The following ADRA1A variants were observed in gnomAD, a reference collection of about 807,000 sequenced individuals.
ADRA1A encodes alpha-1A adrenergic receptor.
ADRA1A carries 31 observed loss-of-function variants against 29.6 expected under a neutral mutation model. The ratio of observed to expected loss-of-function variants is 1.05; its 90% CI spans 0.79 to 1.41. The LOEUF is 1.41. Ranked by LOEUF, ADRA1A falls within the 40% of genes most tolerant of loss-of-function variation. The pLI is 0.00. For missense variants in ADRA1A, 619 were observed against 601.1 expected (o/e 1.03, Z -0.31); for synonymous variants, 311 against 254.3 (o/e 1.22, Z -2.12).
At chr8:26,764,264 A>AC (rs1805656968), downstream of ADRA1A, among the ~76,000 whole-genome samples, 1 of 152,208 alleles carries the variant, frequency 6.6e-6, no homozygotes, top group African/African-American at 2.4e-5. Flanking sequence ...TCACTGCCTT[A>AC]CATGTCACCC....
intron 2 of ADRA1A, among the ~76,000 whole-genome samples, chr8:26,801,875 G>A (rs765565335): frequency 2.6e-5 from 4 of 152,094 alleles, no homozygotes; most frequent in African/African-American, 4.8e-5. Flanking sequence ...ATAACAACAT[G>A]GTACCGGCAT....
In ADRA1A at chr8:26,757,519, C is replaced by CA. The variant is rs918667270; in HGVS notation, c.1270-741_1270-740insT. 1.0e-4 allele frequency among the ~76,000 whole-genome samples: 15 copies of CA among 144,190 alleles called. No individual in the cohort carries two copies. In the South Asian group the frequency reaches 1.9e-3, roughly 18 times the overall value. 94.6% of individuals were successfully genotyped at this position (144,190 alleles called of 152,430 possible). On this transcript the variant is annotated intron_variant, in intron 2 of 2. Coordinates refer to the ADRA1A transcript ENST00000380582. Reference sequence around the variant, plus strand: ...GTCCCTTTTGCTTCCATTTCCCCCACCCCCCACCTCTGCTCCATCAGGTTT... The same window carrying CA: ...GTCCCTTTTGCTTCCATTTCCCCCACACCCCCACCTCTGCTCCATCAGGTTT...
intron 2 of ADRA1A, among the ~76,000 whole-genome samples, chr8:26,777,589 A>G (rs1434912753): frequency 6.6e-6 from 1 of 152,212 alleles, no homozygotes; most frequent in African/African-American, 2.4e-5. Flanking sequence ...GAAATTGTAC[A>G]GCTCTCCATT....
rs771629087 is a variant in ADRA1A, at chr8:26,860,834, G to A, written c.883+3253C>T. ...CATCAGTGCCTCTCTCTATCCCATC[G>A]TTCCCATCAGAATATAAATATCATG... On this transcript the variant is annotated intron_variant, in intron 2 of 2. Transcript: ENST00000380573. This position sits in a 1 kb window ranked among gnomAD's most constrained non-coding sequence, Gnocchi z 4.7. Among the ~76,000 whole-genome samples the A allele has an allele frequency of 6.6e-5, 10 of 151,878 alleles. No homozygotes were observed. Among genetic ancestry groups the A allele is most frequent in the East Asian group, 1.9e-4 (1 of 5,170 alleles).
At chr8:26,835,356 C>A (rs889932538) in intron 2 of ADRA1A, among the ~76,000 whole-genome samples, 2 of 152,154 alleles carry the variant, frequency 1.3e-5, no homozygotes, top group African/African-American at 4.8e-5. Flanking sequence ...GTGTATTAGT[C>A]TGTTCTCAAA....
downstream of ADRA1A, among the ~76,000 whole-genome samples, chr8:26,763,882 A>G (rs1585636396): frequency 1.3e-5 from 2 of 152,190 alleles, no homozygotes; most frequent in East Asian, 3.9e-4. This position sits in a 1 kb window ranked among gnomAD's most constrained non-coding sequence, Gnocchi z 4.5. Flanking sequence ...ATGACCCCAC[A>G]ATGCCTAAAA....
intron 2 of ADRA1A, among the ~76,000 whole-genome samples, chr8:26,820,138 T>C (rs4732900): frequency 0.76 from 115,887 of 152,106 alleles, 45,236 homozygotes; most frequent in East Asian, 0.96. Flanking sequence ...GAGAGCAATA[T>C]AATAATAGTA....
At chr8:26,811,256 G>A (rs1463112344) in intron 2 of ADRA1A, among the ~76,000 whole-genome samples, 1 of 151,552 alleles carries the variant, frequency 6.6e-6, no homozygotes, top group South Asian at 2.1e-4. Context: ...GCAGTGGCGC[G>A]ATCTCGGCTC....
intron 2 of ADRA1A, among the ~76,000 whole-genome samples, chr8:26,757,699 G>A (rs1805267246): frequency 6.6e-6 from 1 of 152,120 alleles, no homozygotes; most frequent in African/African-American, 2.4e-5. Context: ...TTGTGGTTTT[G>A]GCTTGTAAAC....
rs1047745473 is a variant in ADRA1A at position 26,775,509 on chromosome 8, G to C, written c.884-4843C>G. On this transcript the variant is annotated intron_variant, in intron 2 of 2. Coordinates refer to ENST00000380573, the MANE Select transcript of ADRA1A (RefSeq NM_000680.4). This position sits in a 1 kb window ranked among gnomAD's most constrained non-coding sequence, Gnocchi z 4.1. ...TTCCAAATCACCCACATGAGAATAGGGGCTCCTACTTCTTTGGTCACCGTA... is the reference window on the plus strand; with the variant it reads ...TTCCAAATCACCCACATGAGAATAGCGGCTCCTACTTCTTTGGTCACCGTA... Among the ~76,000 whole-genome samples, 2 of 152,026 alleles carry C rather than the reference G, an allele frequency of 1.3e-5. No homozygotes were observed. The highest frequency in any genetic ancestry group is 4.8e-5 in the African/African-American group (2 of 41,400).
At chr8:26,762,554 T>A (rs1428283378), downstream of ADRA1A, among the ~76,000 whole-genome samples, 1 of 152,062 alleles carries the variant, frequency 6.6e-6, no homozygotes, top group Non-Finnish European at 1.5e-5. This position sits in a 1 kb window ranked among gnomAD's most constrained non-coding sequence, Gnocchi z 4.0. Flanking sequence ...CTTTCACTGT[T>A]TGTAAGTTTA....
In ADRA1A at chr8:26,804,343, C is replaced by G. The variant is rs541074080; in HGVS notation, c.884-33677G>C. On this transcript the variant is annotated intron_variant, in intron 2 of 2. Transcript: ENST00000380573. ...TTCAAAGAGGCTTTATTTGGAATAG[C>G]CCCAAAGTGGAAACAGTCCAAATTT... is the stretch of plus-strand genomic sequence containing the variant. Among the ~76,000 whole-genome samples the G allele has an allele frequency of 8.2e-4, 124 of 152,002 alleles. 1 individual carries two copies. Among genetic ancestry groups the G allele is most frequent in the Non-Finnish European group, 1.4e-3 (97 of 67,994 alleles).
In ADRA1A at chr8:26,865,999, G is replaced by A. The variant is rs1563324558; in HGVS notation, c.-686-344C>T. Among the ~76,000 whole-genome samples, 1 of 152,244 alleles carries A rather than the reference G, an allele frequency of 6.6e-6. No homozygotes were observed. The highest frequency in any genetic ancestry group is 1.5e-5 in the Non-Finnish European group (1 of 68,046). On this transcript the variant is annotated intron_variant, in intron 1 of 2. Coordinates refer to ENST00000380573, the MANE Select transcript of ADRA1A (RefSeq NM_000680.4). The surrounding 1 kb of genome is among the most constrained non-coding windows in gnomAD (Gnocchi z 7.6). ...TTAAAATCCTCGAAGCCCCGGAGGG[G>A]CGACTGCGGCTGGCGAGTGTGTCGC...
chr8:26,770,755 A>AT (rs1806088507), intron 2 of ADRA1A, 89 bp from the exon 3 acceptor site: 1 of 1,475,800 alleles, frequency 6.8e-7, no homozygotes. Flanking sequence ...ATCTTTCTGT[A>AT]TTTTTAAACG....
chr8:26,857,631 A>G (rs1392741764), intron 2 of ADRA1A, among the ~76,000 whole-genome samples: 8 of 152,228 alleles, frequency 5.3e-5, no homozygotes, highest in Admixed American at 3.3e-4. Context: ...ACTGAACTCC[A>G]GTCTGGGTGA....
At chr8:26,757,521 C>CG (rs1419079042) in intron 2 of ADRA1A, among the ~76,000 whole-genome samples, 6 of 151,810 alleles carry the variant, frequency 4.0e-5, no homozygotes, top group East Asian at 3.9e-4. Flanking sequence ...TTCCCCCACC[C>CG]CCCACCTCTG....
intron 2 of ADRA1A, among the ~76,000 whole-genome samples, chr8:26,749,688 C>T (rs914388487): frequency 2.0e-5 from 3 of 152,204 alleles, no homozygotes; most frequent in Admixed American, 2.0e-4. Flanking sequence ...CCTTTACCCA[C>T]AGAGAGGAAG....
At chr8:26,814,937 A>C (rs1308414201) in intron 2 of ADRA1A, among the ~76,000 whole-genome samples, 1 of 152,238 alleles carries the variant, frequency 6.6e-6, no homozygotes. Context: ...GGATGTGATT[A>C]AGTGAGATCT....
chr8:26,784,669 T>C (rs1585682754), intron 2 of ADRA1A, among the ~76,000 whole-genome samples: 1 of 152,240 alleles, frequency 6.6e-6, no homozygotes, highest in Non-Finnish European at 1.5e-5. Context: ...AAGATAGGAA[T>C]TGGTGTTAGC....
Sources: gnomAD v4.1 joint callset for allele counts (sites outside exome capture counted in the v4.1 genomes callset) on GRCh38, gnomAD v4.1.1 for gene constraint, Gnocchi (gnomAD v3.1) non-coding constraint, MANE v1.5 for transcripts, NCBI Gene and HGNC (gene_info 2026-07-23, HGNC 2026-07-21) for gene names.